The following PDE4DIP variants were observed in gnomAD, a reference collection of about 807,000 sequenced individuals.
PDE4DIP encodes myomegalin.
Under a neutral mutation model 221.4 loss-of-function variants are expected in PDE4DIP, and 59 were observed. The ratio of observed to expected loss-of-function variants is 0.27; its 90% CI spans 0.22 to 0.33. The LOEUF (loss-of-function observed/expected upper bound fraction) is 0.33, where lower values mean the gene tolerates loss of function less well. Ranked by LOEUF, PDE4DIP falls within the 10% of genes least tolerant of loss-of-function variation. The probability of loss-of-function intolerance (pLI) is 1.00; values close to 1 mark genes in which losing one functional copy is unlikely to be tolerated. For missense variants in PDE4DIP, 1,036 were observed against 2,154.2 expected (o/e 0.48, Z 10.28); for synonymous variants, 404 against 815.9 (o/e 0.50, Z 8.60).
At chr1:148,937,532 G>A (rs1481504679) in intron 4 of PDE4DIP, among the ~76,000 whole-genome samples, 35 of 152,236 alleles carry the variant, frequency 2.3e-4, no homozygotes, top group African/African-American at 5.3e-4. Flanking sequence ...GTCCATGAAC[G>A]TGGTGAAAAT....
intron 41 of PDE4DIP, 111 bp from the exon 45 acceptor site, chr1:149,029,676 C>G (rs1284091369): frequency 1.3e-6 from 1 of 759,262 alleles, no homozygotes; most frequent in Non-Finnish European, 2.2e-6. Flanking sequence ...AAATCCAGTT[C>G]AAGAGAGTTG....
chr1:148,898,176 GT>G (rs1553444008), intron 1 of PDE4DIP, among the ~76,000 whole-genome samples: 1 of 96,058 alleles, frequency 1.0e-5, no homozygotes, highest in East Asian at 4.8e-4. Context: ...GAAGTAGCAT[GT>G]TACACTTGAA....
At chr1:148,962,316 A>G (rs782211998) in intron 8 of PDE4DIP, 28 bp downstream of exon 11, 1 of 1,540,804 alleles carries the variant, frequency 6.5e-7, no homozygotes, top group East Asian at 2.2e-5. Context: ...AGGACAGGAG[A>G]GACTTCAGTT....
At position 148,978,465 on chromosome 1, in the gene PDE4DIP, T is replaced by A. The variant is rs782358732; in HGVS notation, c.2574+50T>A. On this transcript the variant is annotated intron_variant, in intron 19 of 43. Transcript: ENST00000369354. ...ATTTATTTATTTACATTTTTTTGTATTCTTTTTTTTTTTTTTAGTAGAGAT... is the reference window on the plus strand; with the variant it reads ...ATTTATTTATTTACATTTTTTTGTAATCTTTTTTTTTTTTTTAGTAGAGAT... 7.1e-5 allele frequency: 93 copies of A among 1,310,616 alleles called. 1 individual carries two copies. In the East Asian group the frequency reaches 2.3e-3, roughly 32 times the overall value. The allele number at this position is 1,310,616 out of a possible 1,614,324, so 81.2% of individuals were successfully genotyped here.
intron 1 of PDE4DIP, among the ~76,000 whole-genome samples, chr1:148,821,512 A>T (rs1198133636): frequency 9.3e-5 from 14 of 150,692 alleles, no homozygotes; most frequent in South Asian, 4.2e-4. Context: ...AGTTTATTTT[A>T]AAAAAATTTC....
chr1:148,929,210 A>G, exon 2 of PDE4DIP: 1 of 1,613,718 alleles, frequency 6.2e-7, no homozygotes, highest in Middle Eastern at 1.7e-4. Flanking sequence ...ATTGAGCTGA[A>G]GGTTGAAGTG....
chr1:148,998,290 G>A (rs1486341239), exon 23 of PDE4DIP: 1 of 1,613,396 alleles, frequency 6.2e-7, no homozygotes, highest in African/African-American at 1.3e-5. Context: ...CCAGCACTTA[G>A]AAGAGAAGAG....
intron 21 of PDE4DIP, among the ~76,000 whole-genome samples, chr1:148,987,746 C>T (rs2062166459): frequency 6.6e-6 from 1 of 152,062 alleles, no homozygotes; most frequent in African/African-American, 2.4e-5. Context: ...ATGGTCTTGA[C>T]TCCACCCAGT....
At chr1:148,976,082 T>C (rs1490277523) in intron 17 of PDE4DIP, among the ~76,000 whole-genome samples, 5 of 151,698 alleles carry the variant, frequency 3.3e-5, no homozygotes, top group Non-Finnish European at 7.4e-5. Flanking sequence ...ATCTGATTAT[T>C]CATGTCAGAT....
intron 40 of PDE4DIP, 27 bp from the exon 44 acceptor site, chr1:149,028,533 C>T (rs782273447): frequency 3.6e-5 from 58 of 1,602,366 alleles, no homozygotes; most frequent in Admixed American, 1.4e-4. Context: ...GTAATCTCTC[C>T]GCTCCTGTGG....
exon 41 of PDE4DIP, chr1:149,028,593 A>G (rs781899030): frequency 1.9e-6 from 3 of 1,610,646 alleles, no homozygotes; most frequent in East Asian, 2.2e-5. Flanking sequence ...TGAGCTTCGG[A>G]GCAGCACCAG....
At chr1:148,996,375 A>C (rs2064218174) in intron 22 of PDE4DIP, among the ~76,000 whole-genome samples, 1 of 152,216 alleles carries the variant, frequency 6.6e-6, no homozygotes, top group Admixed American at 6.6e-5. Context: ...AGCTTTCAGA[A>C]GTGGTTTTAT....
chr1:148,890,699 G>A (rs1281200857), intron 1 of PDE4DIP, among the ~76,000 whole-genome samples: 15 of 91,766 alleles, frequency 1.6e-4, no homozygotes, highest in Non-Finnish European at 2.5e-4. Flanking sequence ...AGGTTGCGGT[G>A]AGACGGGATT....
At chr1:148,877,099 A>C (rs1691744015) in intron 3 of PDE4DIP, among the ~76,000 whole-genome samples, 1 of 147,420 alleles carries the variant, frequency 6.8e-6, no homozygotes. Context: ...TTAGTACTCA[A>C]GGTGAGGATT....
intron 21 of PDE4DIP, chr1:148,986,233 A>C (rs1165763915): frequency 6.6e-6 from 1 of 152,180 alleles, no homozygotes. Context: ...ATAACATCAG[A>C]TGAAGAAGGA....
chr1:149,007,410 A>G (rs781812711), exon 28 of PDE4DIP: 3 of 825,612 alleles, frequency 3.6e-6, no homozygotes, highest in Non-Finnish European at 6.0e-6. Context: ...CAGCTGACAG[A>G]GAGGCTCACC....
chr1:148,972,054 G>GT, intron 14 of PDE4DIP, 126 bp from the exon 18 acceptor site: 1 of 347,760 alleles, frequency 2.9e-6, no homozygotes, highest in Admixed American at 5.4e-5. Flanking sequence ...AGGACCCACT[G>GT]TTTTTTGTTG....
intron 18 of PDE4DIP, 98 bp from the exon 22 acceptor site, chr1:148,978,180 T>A: frequency 7.6e-7 from 1 of 1,308,306 alleles, no homozygotes; most frequent in Non-Finnish European, 1.1e-6. Flanking sequence ...CACTTGAAAG[T>A]ATAGGCAGAA....
At chr1:148,901,847 G>T (rs587765900) in intron 1 of PDE4DIP, among the ~76,000 whole-genome samples, 1 of 121,898 alleles carries the variant, frequency 8.2e-6, no homozygotes, top group Non-Finnish European at 1.6e-5. Context: ...GAGTTACTCC[G>T]TCAGACCTCA....
Sources: allele counts gnomAD v4.1 joint callset (sites outside exome capture counted in the v4.1 genomes callset), GRCh38; gene constraint gnomAD v4.1.1; transcripts MANE v1.5; gene names NCBI Gene and HGNC (gene_info 2026-07-23, HGNC 2026-07-21).